Variants in LSAMP observed in about 807,000 individuals in gnomAD.
LSAMP encodes limbic system associated membrane protein.
LSAMP carries 7 observed loss-of-function variants against 38.6 expected under a neutral mutation model. The observed-to-expected ratio is 0.18, with a 90% CI of 0.10 to 0.34. The LOEUF is 0.34. LSAMP is among the 10% of genes least tolerant of loss of function. LSAMP has a pLI of 1.00. For synonymous variants in LSAMP, 154 were observed against 166.8 expected, an observed-to-expected ratio of 0.92 and a Z score of 0.59; for missense variants, 313 against 420.0, an observed-to-expected ratio of 0.75 and a Z score of 2.23.
At chr3:116,079,239 T>G (rs1464042566) in intron 2 of LSAMP, among the ~76,000 whole-genome samples, 1 of 152,224 alleles carries the variant, frequency 6.6e-6, no homozygotes, top group South Asian at 2.1e-4. Context: ...AGCTGCTCTC[T>G]TGGGTGGGCC....
chr3:116,390,782 A>G (rs887963292), intron 1 of LSAMP, among the ~76,000 whole-genome samples: 3 of 150,784 alleles, frequency 2.0e-5, no homozygotes, highest in African/African-American at 7.3e-5. Flanking sequence ...ACGTGCTTAC[A>G]GTAACAATAA....
chr3:115,848,679 T>C (rs772485781), intron 4 of LSAMP, among the ~76,000 whole-genome samples: 2 of 152,158 alleles, frequency 1.3e-5, no homozygotes, highest in Non-Finnish European at 2.9e-5. Context: ...TGATTAGCTC[T>C]AGACACCAGG....
At chr3:116,182,905 T>C (rs780398238) in intron 1 of LSAMP, among the ~76,000 whole-genome samples, 8 of 151,848 alleles carry the variant, frequency 5.3e-5, no homozygotes, top group Non-Finnish European at 1.0e-4. Flanking sequence ...ACAATGACTA[T>C]TGTAGATTTG....
In LSAMP at chr3:116,169,029, G is replaced by T. The variant is rs776196170; in HGVS notation, c.156-82473C>A. 2.6e-5 allele frequency among the ~76,000 whole-genome samples: 4 copies of T among 152,018 alleles called. No individual in the cohort carries two copies. In the South Asian group the frequency reaches 6.2e-4, roughly 24 times the overall value. On this transcript the variant is annotated intron_variant, in intron 1 of 6. Coordinates refer to ENST00000490035, the MANE Select transcript of LSAMP (RefSeq NM_002338.5). Reference sequence around the variant, plus strand: ...CACCCTGGGCAACACAGCAAGACACGGTTTTCACAAAAAATTTAAAAAACA... The same window carrying T: ...CACCCTGGGCAACACAGCAAGACACTGTTTTCACAAAAAATTTAAAAAACA...
chr3:115,994,606 G>A (rs894167298), intron 3 of LSAMP, among the ~76,000 whole-genome samples: 1 of 152,018 alleles, frequency 6.6e-6, no homozygotes, highest in African/African-American at 2.4e-5. Context: ...AGCATGGAGT[G>A]AGTGATCCCC....
At chr3:116,214,499 C>CTTTT (rs59630662) in intron 1 of LSAMP, among the ~76,000 whole-genome samples, 11 of 103,280 alleles carry the variant, frequency 1.1e-4, no homozygotes, top group East Asian at 2.7e-4. Flanking sequence ...AAAAATGGGT[C>CTTTT]TTTTTTTTTT....
At chr3:116,335,047 A>G (rs1335606435) in intron 1 of LSAMP, among the ~76,000 whole-genome samples, 1 of 152,090 alleles carries the variant, frequency 6.6e-6, no homozygotes, top group Non-Finnish European at 1.5e-5. Context: ...TATAAAGTTA[A>G]CACACAGAAA....
At chr3:115,915,709 T>C (rs1199868802) in intron 3 of LSAMP, among the ~76,000 whole-genome samples, 1 of 151,944 alleles carries the variant, frequency 6.6e-6, no homozygotes, top group East Asian at 1.9e-4. Flanking sequence ...CTCGGCTCAC[T>C]GCAACTTCCG....
At chr3:116,342,766 G>A (rs1392106354) in intron 1 of LSAMP, among the ~76,000 whole-genome samples, 1 of 152,064 alleles carries the variant, frequency 6.6e-6, no homozygotes, top group Non-Finnish European at 1.5e-5. Context: ...ATAGGAAGCT[G>A]CATGGGGGAA....
intron 1 of LSAMP, among the ~76,000 whole-genome samples, chr3:116,207,651 C>T (rs2046089383): frequency 6.6e-6 from 1 of 151,770 alleles, no homozygotes; most frequent in African/African-American, 2.4e-5. Context: ...TTTTATTTCT[C>T]CTTCACTTAT....
chr3:116,435,716 A>T (rs553253398), intron 1 of LSAMP, among the ~76,000 whole-genome samples: 2 of 152,302 alleles, frequency 1.3e-5, no homozygotes, highest in South Asian at 2.1e-4. Context: ...GGGGGAAAAA[A>T]GTTCTGCCTT....
chr3:116,177,766 A>C (rs1417983283), intron 1 of LSAMP, among the ~76,000 whole-genome samples: 1 of 152,186 alleles, frequency 6.6e-6, no homozygotes, highest in Admixed American at 6.5e-5. Flanking sequence ...CAGGAAAAGT[A>C]GTCACCCCTT....
intron 1 of LSAMP, among the ~76,000 whole-genome samples, chr3:116,170,671 G>A (rs1203465104): frequency 6.6e-6 from 1 of 152,102 alleles, no homozygotes; most frequent in Non-Finnish European, 1.5e-5. Flanking sequence ...GGTTATATAA[G>A]ACACTACATG....
At chr3:116,058,491 A>T (rs528281136) in intron 2 of LSAMP, among the ~76,000 whole-genome samples, 8 of 152,058 alleles carry the variant, frequency 5.3e-5, no homozygotes, top group Non-Finnish European at 1.0e-4. Context: ...AAAGTTTTTT[A>T]AAAATGGGGC....
At chr3:116,023,399 C>T (rs1454791944) in intron 2 of LSAMP, among the ~76,000 whole-genome samples, 3 of 151,398 alleles carry the variant, frequency 2.0e-5, no homozygotes, top group Non-Finnish European at 2.9e-5. Flanking sequence ...TCGAGACCAT[C>T]CTGGCTAACA....
chr3:116,325,100 AT>A (rs1354986527), intron 1 of LSAMP, among the ~76,000 whole-genome samples: 1 of 149,512 alleles, frequency 6.7e-6, no homozygotes, highest in East Asian at 1.9e-4. Flanking sequence ...TATTTCATAT[AT>A]ATAATAATAT....
chr3:115,934,080 T>C (rs777096039), intron 3 of LSAMP, among the ~76,000 whole-genome samples: 5 of 152,206 alleles, frequency 3.3e-5, no homozygotes, highest in Non-Finnish European at 5.9e-5. Context: ...ACCTTGCAAC[T>C]CAAAAGCTTA....
At chr3:116,164,215 A>T (rs1709974919) in intron 1 of LSAMP, among the ~76,000 whole-genome samples, 1 of 152,054 alleles carries the variant, frequency 6.6e-6, no homozygotes, top group South Asian at 2.1e-4. Context: ...AGTTAGAAAG[A>T]AGTGTCTGGT....
At chr3:115,833,910 A>G (rs945670389) in intron 6 of LSAMP, among the ~76,000 whole-genome samples, 1 of 152,088 alleles carries the variant, frequency 6.6e-6, no homozygotes, top group African/African-American at 2.4e-5. Context: ...TTGTGGCTGC[A>G]CCTTGCGTCT....
Sources: gnomAD v4.1 joint callset for allele counts (sites outside exome capture counted in the v4.1 genomes callset) on GRCh38, gnomAD v4.1.1 for gene constraint, MANE v1.5 for transcripts, NCBI Gene and HGNC (gene_info 2026-07-23, HGNC 2026-07-21) for gene names.